Variants in GPHN observed in about 807,000 individuals in gnomAD.
GPHN encodes the protein gephyrin.
GPHN carries 17 observed loss-of-function variants against 95.5 expected under a neutral mutation model. The observed-to-expected ratio is 0.18, with a 90% CI of 0.12 to 0.27. The LOEUF (loss-of-function observed/expected upper bound fraction) is 0.27, where lower values mean the gene tolerates loss of function less well. Ranked by LOEUF, GPHN falls within the 10% of genes least tolerant of loss-of-function variation. The probability of loss-of-function intolerance (pLI) is 1.00; values close to 1 mark genes in which losing one functional copy is unlikely to be tolerated. For synonymous variants in GPHN, 320 were observed against 322.5 expected (o/e 0.99, Z 0.08); for missense variants, 660 against 978.1 (o/e 0.67, Z 4.34).
At chr14:67,455,132 G>A in the GPHN span, among the ~76,000 whole-genome samples, 1 of 152,326 alleles carries the variant, frequency 6.6e-6, no homozygotes, top group Non-Finnish European at 1.5e-5. Flanking sequence ...TTATAGGCAT[G>A]AGCCAATGTG....
At chr14:67,433,553 A>T in the GPHN span, among the ~76,000 whole-genome samples, 1 of 152,178 alleles carries the variant, frequency 6.6e-6, no homozygotes, top group Non-Finnish European at 1.5e-5. Context: ...GACAAATGAG[A>T]CGCATCCTAT....
the GPHN span, chr14:67,676,877 T>C: frequency 6.6e-6 from 1 of 152,254 alleles, no homozygotes; most frequent in African/African-American, 2.4e-5. Flanking sequence ...AAAGAATTTT[T>C]ATTTGTCATT....
chr14:66,763,640 T>C (rs1432521163), intron 2 of GPHN, among the ~76,000 whole-genome samples: 1 of 151,926 alleles, frequency 6.6e-6, no homozygotes. Context: ...CAGTCTATCA[T>C]TGTTGGACAT....
intron 5 of GPHN, among the ~76,000 whole-genome samples, chr14:66,881,227 TAAA>T (rs2063914493): frequency 6.6e-6 from 1 of 151,814 alleles, no homozygotes; most frequent in Admixed American, 6.6e-5. Flanking sequence ...TAAAAGCAAA[TAAA>T]GAATTAAAGT....
intron 8 of GPHN, among the ~76,000 whole-genome samples, chr14:66,937,654 G>C (rs1330457005): frequency 6.6e-6 from 1 of 152,160 alleles, no homozygotes; most frequent in Non-Finnish European, 1.5e-5. Flanking sequence ...CTGGATTACA[G>C]GCATGAGCCA....
chr14:67,268,822 C>T, the GPHN span, among the ~76,000 whole-genome samples: 1 of 152,194 alleles, frequency 6.6e-6, no homozygotes, highest in Admixed American at 6.5e-5. Flanking sequence ...GCCTAACCTC[C>T]TGGGAATGCA....
At chr14:67,507,073 A>C in the GPHN span, among the ~76,000 whole-genome samples, 1 of 152,228 alleles carries the variant, frequency 6.6e-6, no homozygotes, top group Non-Finnish European at 1.5e-5. Context: ...TGAACAAAGA[A>C]GACGTGGTCC....
At chr14:67,233,331 A>G in the GPHN span, among the ~76,000 whole-genome samples, 1 of 151,996 alleles carries the variant, frequency 6.6e-6, no homozygotes, top group Non-Finnish European at 1.5e-5. Context: ...TTGTAGAGAC[A>G]GGGTTTTACC....
At chr14:66,565,651 T>G (rs140808590) in intron 1 of GPHN, among the ~76,000 whole-genome samples, 1 of 152,248 alleles carries the variant, frequency 6.6e-6, no homozygotes, top group Non-Finnish European at 1.5e-5. Flanking sequence ...TTGTTAGGAC[T>G]AAAATAATCA....
the GPHN span, among the ~76,000 whole-genome samples, chr14:67,329,605 G>A: frequency 2.4e-4 from 36 of 152,120 alleles, no homozygotes; most frequent in Non-Finnish European, 1.3e-4. Flanking sequence ...TATGATATTG[G>A]CTGTGGGTTT....
the GPHN span, chr14:67,616,057 A>C: frequency 1.3e-5 from 4 of 296,734 alleles, no homozygotes; most frequent in East Asian, 7.9e-5. Context: ...GAGGGAGAGA[A>C]TGAGGAGGAG....
intron 2 of GPHN, among the ~76,000 whole-genome samples, chr14:66,766,686 A>G (rs1316440071): frequency 6.6e-6 from 1 of 152,120 alleles, no homozygotes; most frequent in East Asian, 1.9e-4. Flanking sequence ...ACTGATTGAG[A>G]ATTTTGTAAA....
the GPHN span, among the ~76,000 whole-genome samples, chr14:67,634,259 G>A: frequency 6.6e-6 from 1 of 151,934 alleles, no homozygotes; most frequent in Admixed American, 6.6e-5. Context: ...ATGACTCAAA[G>A]GATAACTGCC....
chr14:66,797,976 T>G (rs1254836491), intron 3 of GPHN, among the ~76,000 whole-genome samples: 1 of 151,934 alleles, frequency 6.6e-6, no homozygotes, highest in East Asian at 1.9e-4. Context: ...TGCATGGTTT[T>G]TATTATGCTC....
At chr14:67,037,397 C>T (rs1438537589) in intron 10 of GPHN, among the ~76,000 whole-genome samples, 3 of 152,072 alleles carry the variant, frequency 2.0e-5, no homozygotes, top group Non-Finnish European at 2.9e-5. Flanking sequence ...GAAACGATCT[C>T]TTGGATATGA....
the GPHN span, chr14:67,382,276 C>T: frequency 1.4e-5 from 7 of 491,710 alleles, no homozygotes; most frequent in Admixed American, 1.9e-4. Flanking sequence ...AACAAATCAC[C>T]CCAAAACGTA....
At chr14:66,778,269 G>T (rs1215949108) in intron 3 of GPHN, among the ~76,000 whole-genome samples, 2 of 152,176 alleles carry the variant, frequency 1.3e-5, no homozygotes. Flanking sequence ...ACTTACAAGG[G>T]ACATGAAGGA....
chr14:66,656,529 AC>A (rs1238921041), intron 1 of GPHN, among the ~76,000 whole-genome samples: 1 of 152,064 alleles, frequency 6.6e-6, no homozygotes, highest in Non-Finnish European at 1.5e-5. Flanking sequence ...TGTGCTTTTT[AC>A]ATATCAAAGG....
At chr14:67,434,792 G>A in the GPHN span, among the ~76,000 whole-genome samples, 1 of 152,044 alleles carries the variant, frequency 6.6e-6, no homozygotes, top group Admixed American at 6.6e-5. Context: ...TAAAGAAAAG[G>A]GATTTATTTT....
Sources: gnomAD v4.1 joint callset for allele counts (sites outside exome capture counted in the v4.1 genomes callset) on GRCh38, gnomAD v4.1.1 for gene constraint, MANE v1.5 for transcripts, NCBI Gene and HGNC (gene_info 2026-07-23, HGNC 2026-07-21) for gene names.